Variants in PFKL observed in about 807,000 individuals in gnomAD.
PFKL encodes phosphofructokinase, liver type, also known as ATP-dependent 6-phosphofructokinase, liver type.
A neutral mutation model predicts 92.1 loss-of-function variants in PFKL; 74 were observed. The observed-to-expected ratio is 0.80, with a 90% CI of 0.67 to 0.97. The LOEUF is 0.97. Ranked by LOEUF, PFKL falls within the 50% of genes least tolerant of loss-of-function variation. The pLI, the probability that PFKL is intolerant of heterozygous loss-of-function variation, is 0.00. For synonymous variants in PFKL, 494 were observed against 456.4 expected, an observed-to-expected ratio of 1.08 and a Z score of -1.05; for missense variants, 1,028 against 1,116.6, an observed-to-expected ratio of 0.92 and a Z score of 1.13.
chr21:44,323,309 A>G lies in PFKL; in HGVS notation c.1497+260A>G, dbSNP rs2047407588. On this transcript the variant is annotated intron_variant, in intron 15 of 21. Coordinates refer to ENST00000349048, the MANE Select transcript of PFKL (RefSeq NM_002626.6). ...CTTTACTTTCTCCGGAAAGCTTCAC[A>G]AGGTTCCGATTAACCCCAGTGCTGG... is the stretch of plus-strand genomic sequence containing the variant. Among the ~76,000 whole-genome samples the G allele has an allele frequency of 2.0e-5, 3 of 152,124 alleles. No individual in the cohort carries two copies. The South Asian group carries it at 6.2e-4, about 31-fold the overall frequency.
At chr21:44,305,690 T>TG in intron 1 of PFKL, 1 of 1,129,590 alleles carries the variant, frequency 8.9e-7, no homozygotes, top group Non-Finnish European at 1.2e-6. Context: ...GCCCCTTTTG[T>TG]ATGAAGTCAT....
chr21:44,300,270 G>C, intron 1 of PFKL, 80 bp downstream of exon 1: 1 of 665,814 alleles, frequency 1.5e-6, no homozygotes, highest in Non-Finnish European at 1.9e-6. Flanking sequence ...CGCCCGCCGA[G>C]CCCCGGGACC....
In PFKL at chr21:44,312,216, G is replaced by A. The variant is rs1463838673; in HGVS notation, c.349G>A (p.Gly117Ser). The change falls in exon 4 of 22, where the codon GGC (glycine) becomes AGC (serine). Residue 117 changes from glycine to serine, a missense_variant. Coordinates refer to ENST00000349048, the MANE Select transcript of PFKL (RefSeq NM_002626.6). ...QHGITNLCVI[G>S]GDGSLTGANI... ...CGGCATCACCAACCTGTGCGTCATCGGCGGGGATGGCAGCCTCACAGGTGC... is the reference window on the plus strand; with the variant it reads ...CGGCATCACCAACCTGTGCGTCATCAGCGGGGATGGCAGCCTCACAGGTGC... 9 of 1,599,600 alleles carry A rather than the reference G, an allele frequency of 5.6e-6. No individual in the cohort carries two copies. The highest frequency in any genetic ancestry group is 7.7e-6 in the Non-Finnish European group (9 of 1,173,286).
rs530445139 is a variant in PFKL at position 44,309,503 on chromosome 21, G to C, written c.160-1503G>C. On this transcript the variant is annotated intron_variant, in intron 2 of 21. Transcript: ENST00000349048. ...CTAGAAGATTCCAAGGGTAGGAGGA[G>C]GTTGTGTCTGTGAGACTGATTCCAG... Among the ~76,000 whole-genome samples the C allele has an allele frequency of 4.6e-5, 7 of 152,298 alleles. No homozygotes were observed. In the South Asian group the frequency reaches 1.4e-3, roughly 32 times the overall value.
chr21:44,300,643 C>T (rs555467967), intron 1 of PFKL, among the ~76,000 whole-genome samples: 1 of 152,378 alleles, frequency 6.6e-6, no homozygotes, highest in African/African-American at 2.4e-5. Context: ...GGCGGACTCA[C>T]TCCCGGACCG....
chr21:44,320,251 C>T, intron 12 of PFKL, 104 bp downstream of exon 12: 1 of 965,404 alleles, frequency 1.0e-6, no homozygotes, highest in Admixed American at 2.0e-5. Flanking sequence ...CACCTTCCCT[C>T]CTGCTGGGGT....
At chr21:44,316,147 G>A in intron 7 of PFKL, 97 bp from the exon 8 acceptor site, 1 of 1,110,360 alleles carries the variant, frequency 9.0e-7, no homozygotes, top group Non-Finnish European at 1.4e-6. Flanking sequence ...TGTGGGTTGG[G>A]AATGGTGGCC....
intron 3 of PFKL, among the ~76,000 whole-genome samples, 159 bp from the exon 4 acceptor site, chr21:44,311,946 T>A (rs1182312384): frequency 1.3e-5 from 2 of 151,812 alleles, no homozygotes; most frequent in African/African-American, 2.4e-5. Flanking sequence ...CCCAGGGAGG[T>A]AGGGCCACCT....
chr21:44,326,811 G>T lies in PFKL; in HGVS notation c.2292G>T (p.Gly764=), dbSNP rs762527369. 6.2e-7 allele frequency: 1 copy of T among 1,606,894 alleles called. No individual in the cohort carries two copies. Among genetic ancestry groups the T allele is most frequent in the Admixed American group, 1.7e-5 (1 of 59,632 alleles). The change falls in exon 22 of 22, where the codon GGG becomes GGT. Residue 764 remains glycine, a synonymous_variant. Coordinates refer to ENST00000349048, the MANE Select transcript of PFKL (RefSeq NM_002626.6). ...YRISMAAYVS[G]ELEHVTRRTL... ...TCAGTATGGCCGCCTACGTGTCAGG[G>T]GAGCTGGAGCACGTGACCCGCCGCA...
intron 7 of PFKL, chr21:44,314,331 G>A (rs2047140736): frequency 1.2e-5 from 4 of 347,484 alleles, no homozygotes; most frequent in East Asian, 5.5e-5. Flanking sequence ...GGACTGCTGA[G>A]CCTGGGGCGG....
chr21:44,323,001 C>T lies in PFKL; in HGVS notation c.1449C>T (p.Asn483=). The T allele has an allele frequency of 6.2e-7, 1 of 1,613,102 alleles. No homozygotes were observed. Residue 483 remains asparagine, a synonymous_variant, in exon 15 of 22, where the codon AAC becomes AAT. Coordinates refer to ENST00000349048, the MANE Select transcript of PFKL (RefSeq NM_002626.6). ...PKGQLESIVE[N]IRIYGIHALL... ...GCCAGCTGGAGTCCATTGTGGAGAA[C>T]ATCCGCATCTATGGTATTCACGCCC...
chr21:44,316,031 C>G, intron 7 of PFKL: 3 of 584,152 alleles, frequency 5.1e-6, no homozygotes, highest in South Asian at 2.0e-5. Context: ...CCCTCTTGTT[C>G]ACCGCCTCCA....
chr21:44,306,596 C>G, intron 1 of PFKL, 85 bp from the exon 2 acceptor site: 2 of 1,248,580 alleles, frequency 1.6e-6, no homozygotes, highest in Non-Finnish European at 2.3e-6. Flanking sequence ...CAGGCCTCCC[C>G]TACCCCCTGT....
chr21:44,306,870 T>A, intron 2 of PFKL, 116 bp downstream of exon 2: 1 of 871,946 alleles, frequency 1.1e-6, no homozygotes, highest in Non-Finnish European at 1.9e-6. Context: ...CTGGAGGAGC[T>A]GATGGGTATG....
chr21:44,307,398 C>A, intron 2 of PFKL: 1 of 648,548 alleles, frequency 1.5e-6, no homozygotes, highest in Non-Finnish European at 1.9e-6. Flanking sequence ...TGGGCCACAC[C>A]ACGCACTCAC....
chr21:44,300,075 T>G lies in PFKL; in HGVS notation c.-31T>G, dbSNP rs1483952756. ...GGCGACGCGGCGCAGGCGGCGGGAG[T>G]GCGAGCTGGGCCCGTGTTTCGGCCG... On this transcript the variant is annotated 5_prime_UTR_variant, in exon 1 of 22. Transcript: ENST00000349048. 5 of 1,037,264 alleles carry G rather than the reference T, an allele frequency of 4.8e-6. No homozygotes were observed. Among genetic ancestry groups the G allele is most frequent in the Non-Finnish European group, 5.8e-6 (5 of 858,608 alleles). 64.3% of individuals were successfully genotyped at this position (1,037,264 alleles called of 1,614,324 possible). A position where few individuals can be genotyped will look rare whatever the true frequency, so the allele number is the denominator to read the frequency against.
intron 13 of PFKL, 77 bp from the exon 14 acceptor site, chr21:44,322,056 C>T (rs1329000319): frequency 1.3e-6 from 2 of 1,513,712 alleles, no homozygotes; most frequent in African/African-American, 2.8e-5. Flanking sequence ...TGGCTGGCCC[C>T]CGGGCACAGG....
chr21:44,323,882 C>G lies in PFKL; in HGVS notation c.1614C>G (p.Ser538Arg). The G allele has an allele frequency of 1.2e-6, 2 of 1,613,568 alleles. No individual in the cohort carries two copies. Among genetic ancestry groups the G allele is most frequent in the Non-Finnish European group, 1.7e-6 (2 of 1,179,960 alleles). ...ISNNVPGTDF[S>R]LGSDTAVNAA... ...ACAACGTCCCTGGCACCGACTTCAG[C>G]CTGGGCTCCGACACTGCTGTAAATG... The change falls in exon 16 of 22, where the codon AGC (serine) becomes AGG (arginine). Residue 538 changes from serine to arginine, a missense_variant. Physicochemically the swap from Ser to Arg is moderately radical, Grantham distance 110. Coordinates refer to ENST00000349048, the MANE Select transcript of PFKL (RefSeq NM_002626.6).
At chr21:44,304,293 C>T (rs1288254621) in intron 1 of PFKL, 1 of 1,289,126 alleles carries the variant, frequency 7.8e-7, no homozygotes, top group Non-Finnish European at 1.0e-6. Flanking sequence ...ACAAGCCCAC[C>T]AGGCCCCCTG....
Sources: gnomAD v4.1 joint callset for allele counts (sites outside exome capture counted in the v4.1 genomes callset) on GRCh38, gnomAD v4.1.1 for gene constraint, MANE v1.5 for transcripts, NCBI Gene and HGNC (gene_info 2026-07-23, HGNC 2026-07-21) for gene names.